The following ABCA3 variants were observed in gnomAD, a reference collection of about 807,000 sequenced individuals.
ABCA3 encodes ATP binding cassette subfamily A member 3.
A neutral mutation model predicts 172.8 loss-of-function variants in ABCA3; 88 were observed. The ratio of observed to expected loss-of-function variants is 0.51; its 90% CI spans 0.43 to 0.61. The LOEUF (loss-of-function observed/expected upper bound fraction) is 0.61. Among genes scored for constraint, ABCA3 ranks in the 20% least tolerant of loss-of-function variants. The pLI is 0.00. For missense variants in ABCA3, 2,164 were observed against 2,301.0 expected, an observed-to-expected ratio of 0.94 and a Z score of 1.22; for synonymous variants, 1,066 against 983.8, an observed-to-expected ratio of 1.08 and a Z score of -1.56.
intron 12 of ABCA3, among the ~76,000 whole-genome samples, chr16:2,302,409 C>CAT (rs774007158): frequency 2.0e-5 from 3 of 151,898 alleles, no homozygotes; most frequent in African/African-American, 7.2e-5. Flanking sequence ...AATAGACAAA[C>CAT]ATATATATGT....
chr16:2,338,857 C>T (rs1291143208), intron 1 of ABCA3, among the ~76,000 whole-genome samples: 1 of 149,668 alleles, frequency 6.7e-6, no homozygotes, highest in Non-Finnish European at 1.5e-5. Flanking sequence ...TATGTTCAAG[C>T]GATTCTTCTG....
chr16:2,338,220 A>C (rs1006002553), intron 1 of ABCA3, among the ~76,000 whole-genome samples: 2 of 152,170 alleles, frequency 1.3e-5, no homozygotes, highest in Non-Finnish European at 2.9e-5. Flanking sequence ...AACCTCTCCA[A>C]CACCACAAAC....
rs1480897450 is a variant in ABCA3 at position 2,317,780 on chromosome 16, A to G, written c.874-16T>C. ...GCATGTACTCCTGGGGAGAGAAGCC[A>G]TCACGCTGCTGGGGGCCCGTCACTG... On this transcript the variant is annotated splice_polypyrimidine_tract_variant and intron_variant, in intron 8 of 32. Coordinates refer to ENST00000301732, the MANE Select transcript of ABCA3 (RefSeq NM_001089.3). 3 of 1,612,524 alleles carry G rather than the reference A, an allele frequency of 1.9e-6. No individual in the cohort carries two copies. The highest frequency in any genetic ancestry group is 1.7e-6 in the Non-Finnish European group (2 of 1,178,702).
chr16:2,305,516 C>T (rs1309208434), intron 11 of ABCA3, among the ~76,000 whole-genome samples: 7 of 152,094 alleles, frequency 4.6e-5, no homozygotes, highest in East Asian at 1.9e-4. Context: ...AGGATGGTCT[C>T]GATCTCTTGA....
At chr16:2,301,055 C>T (rs556799538) in intron 12 of ABCA3, among the ~76,000 whole-genome samples, 7 of 150,344 alleles carry the variant, frequency 4.7e-5, no homozygotes, top group Non-Finnish European at 1.0e-4. Flanking sequence ...ACGGTGAAAC[C>T]CCGTCTCTAC....
In ABCA3 at chr16:2,297,756, A is replaced by T; in HGVS notation, c.2052+10T>A. On this transcript the variant is annotated intron_variant, in intron 16 of 32. Transcript: ENST00000301732. This position sits in a 1 kb window ranked among gnomAD's most constrained non-coding sequence, Gnocchi z 5.6. ...AGGGGAACCCACTGCCTCCAGTCCC[A>T]CCGCCACACCTTGGAGCCTGCGATG... is the stretch of plus-strand genomic sequence containing the variant. 1 of 1,609,868 alleles carries T rather than the reference A, an allele frequency of 6.2e-7. No individual in the cohort carries two copies. Among genetic ancestry groups the T allele is most frequent in the Non-Finnish European group, 8.5e-7 (1 of 1,179,976 alleles).
chr16:2,295,294 G>A (rs2093677921), intron 18 of ABCA3, among the ~76,000 whole-genome samples: 2 of 152,222 alleles, frequency 1.3e-5, no homozygotes, highest in African/African-American at 4.8e-5. Context: ...GTTGAGCCTG[G>A]TGTCAGAAGG....
At position 2,326,212 on chromosome 16, in the gene ABCA3, G is replaced by A. The variant is rs1399023503; in HGVS notation, c.117C>T (p.Leu39=). ...LFLPLLFSGI[L]IWLRLKIQSE... ...ACTGAATCTTCAAGCGGAGCCAGATGAGGATCCCAGAAAACAGCAATGGCA... is the reference window on the plus strand; with the variant it reads ...ACTGAATCTTCAAGCGGAGCCAGATAAGGATCCCAGAAAACAGCAATGGCA... The change falls in exon 5 of 33, where the codon CTC becomes CTT. Residue 39 remains leucine (L), a synonymous_variant. Transcript: ENST00000301732. The A allele has an allele frequency of 6.2e-7, 1 of 1,614,080 alleles. No homozygotes were observed. Among genetic ancestry groups the A allele is most frequent in the South Asian group, 1.1e-5 (1 of 91,084 alleles).
chr16:2,283,103 T>G lies in ABCA3; in HGVS notation c.4035+83A>C. ...AGGAGCTGCCTGGTGGAGAAGGAGG[T>G]GGAGCTGCCCCAGGTTGTGCTGGGC... On this transcript the variant is annotated intron_variant, in intron 26 of 32. Coordinates refer to ENST00000301732, the MANE Select transcript of ABCA3 (RefSeq NM_001089.3). The surrounding 1 kb of genome is among the most constrained non-coding windows in gnomAD (Gnocchi z 5.4). 1 of 1,442,114 alleles carries G rather than the reference T, an allele frequency of 6.9e-7. No homozygotes were observed. Among genetic ancestry groups the G allele is most frequent in the Non-Finnish European group, 9.5e-7 (1 of 1,049,724 alleles). The allele number at this position is 1,442,114 out of a possible 1,614,324, so 89.3% of individuals were successfully genotyped here.
intron 8 of ABCA3, among the ~76,000 whole-genome samples, chr16:2,319,377 C>T (rs1414383732): frequency 2.6e-5 from 4 of 151,532 alleles, no homozygotes; most frequent in South Asian, 4.2e-4. Flanking sequence ...CCCAACTACT[C>T]GGGAGGCTGA....
At position 2,285,575 on chromosome 16, in the gene ABCA3, A is replaced by G; in HGVS notation, c.3350T>C (p.Ile1117Thr). The G allele has an allele frequency of 6.4e-7, 1 of 1,572,212 alleles. No individual in the cohort carries two copies. Residue 1117 changes from isoleucine to threonine, a missense_variant, in exon 23 of 33, where the codon ATC becomes ACC. Physicochemically the swap from Ile to Thr is moderately conservative, Grantham distance 89. This residue lies in a region of ABCA3 where 795 missense variants were observed against 881.9 expected (regional missense o/e 0.90). Transcript: ENST00000301732. This position sits in a 1 kb window ranked among gnomAD's most constrained non-coding sequence, Gnocchi z 4.7. ...AMAFLASTFS[I>T]LAVSERAVQA... ...CACGGCCCTCTCGCTGACCGCCAGG[A>G]TGGAGAACGTGCTGGCCAAGAATGC...
chr16:2,300,237 C>T, intron 12 of ABCA3, 89 bp from the exon 13 acceptor site: 2 of 1,573,322 alleles, frequency 1.3e-6, no homozygotes, highest in African/African-American at 1.4e-5. Context: ...CACAGCCATG[C>T]AGCCTCTGTC....
chr16:2,335,323 T>C (rs959468736), intron 1 of ABCA3, among the ~76,000 whole-genome samples: 7 of 152,110 alleles, frequency 4.6e-5, no homozygotes, highest in African/African-American at 1.7e-4. Context: ...TGTTTGTTTG[T>C]TTCCTGTAGG....
Position 2,276,611 on chromosome 16 carries a change from G to A in ABCA3, c.*63C>T, listed in dbSNP as rs928585910. 9.4e-6 allele frequency: 15 copies of A among 1,598,216 alleles called. No individual in the cohort carries two copies. In the African/African-American group the frequency reaches 1.9e-4, roughly 20 times the overall value. ...GGATGAGATAAACTTGGAGAGAGAG[G>A]ATGTAAGATGGGCCCTGCTTGCCCG... On this transcript the variant is annotated 3_prime_UTR_variant, in exon 33 of 33. Transcript: ENST00000301732.
At chr16:2,301,216 G>A (rs1055956265) in intron 12 of ABCA3, among the ~76,000 whole-genome samples, 3 of 147,556 alleles carry the variant, frequency 2.0e-5, no homozygotes, top group South Asian at 2.1e-4. Flanking sequence ...GGGCGACAGA[G>A]CGAGACTCCG....
In ABCA3 at chr16:2,298,403, G is replaced by A. The variant is rs763309400; in HGVS notation, c.1879C>T (p.Leu627Phe). 6.2e-7 allele frequency: 1 copy of A among 1,614,076 alleles called. No homozygotes were observed. Among genetic ancestry groups the A allele is most frequent in the Non-Finnish European group, 8.5e-7 (1 of 1,180,020 alleles). The change falls in exon 15 of 33, where the codon CTT becomes TTT. Residue 627 changes from leucine (L) to phenylalanine (F), a missense_variant. Physicochemically the swap from Leu to Phe is conservative, Grantham distance 22 (BLOSUM62 0). Coordinates refer to ENST00000301732, the MANE Select transcript of ABCA3 (RefSeq NM_001089.3). Reference sequence around the variant, plus strand: ...CAACTCACCTGGGCGTAGAAATAAAGGTGCTCTGCGACTGTCAAGTTGTCA... The same window carrying A: ...CAACTCACCTGGGCGTAGAAATAAAAGTGCTCTGCGACTGTCAAGTTGTCA... ...LFDNLTVAEHLYFYAQLKGLS... is the reference protein window; with the variant it reads ...LFDNLTVAEHFYFYAQLKGLS...
At position 2,286,623 on chromosome 16, in the gene ABCA3, C is replaced by T. The variant is rs958348569; in HGVS notation, c.3278+71G>A. 14 of 1,592,480 alleles carry T rather than the reference C, an allele frequency of 8.8e-6. No individual in the cohort carries two copies. The highest frequency in any genetic ancestry group is 2.2e-4 in the Middle Eastern group (1 of 4,464). On this transcript the variant is annotated intron_variant, in intron 22 of 32. Transcript: ENST00000301732. This position sits in a 1 kb window ranked among gnomAD's most constrained non-coding sequence, Gnocchi z 5.2. ...AGACACAATGCTCTATCTATGGGCCCGTGGCAGTGCCCAGGGCAGTCAGTC... is the reference window on the plus strand; with the variant it reads ...AGACACAATGCTCTATCTATGGGCCTGTGGCAGTGCCCAGGGCAGTCAGTC...
chr16:2,331,594 TTC>T (rs1439701163), intron 1 of ABCA3, among the ~76,000 whole-genome samples: 21 of 152,262 alleles, frequency 1.4e-4, no homozygotes, highest in African/African-American at 4.3e-4. Context: ...CTTGCATCTG[TTC>T]TGTTTCAGCA....
At chr16:2,292,119 C>A (rs368196741) in intron 19 of ABCA3, 21 bp downstream of exon 19, 6 of 1,594,584 alleles carry the variant, frequency 3.8e-6, no homozygotes, top group Non-Finnish European at 5.2e-6. Context: ...CCTAGGTGGA[C>A]GGAAATGCGC....
Sources: gnomAD v4.1 joint callset for allele counts (sites outside exome capture counted in the v4.1 genomes callset) on GRCh38, gnomAD v4.1.1 for gene constraint, gnomAD v4.1.1 regional missense constraint, Gnocchi (gnomAD v3.1) non-coding constraint, MANE v1.5 for transcripts, NCBI Gene and HGNC (gene_info 2026-07-23, HGNC 2026-07-21) for gene names.